PTPRN2: variants seen among roughly 807,000 people sequenced by gnomAD.
The protein encoded by PTPRN2 is receptor-type tyrosine-protein phosphatase N2.
A neutral mutation model predicts 118.8 loss-of-function variants in PTPRN2; 74 were observed. That is an observed-to-expected ratio of 0.62 (90% CI 0.52 to 0.76). The LOEUF (loss-of-function observed/expected upper bound fraction) is 0.76. PTPRN2 is among the 30% of genes least tolerant of loss of function. The probability of loss-of-function intolerance (pLI) is 0.00; values close to 1 mark genes in which losing one functional copy is unlikely to be tolerated. For synonymous variants in PTPRN2, 641 were observed against 608.0 expected (o/e 1.05, Z -0.80); for missense variants, 1,481 against 1,394.4 (o/e 1.06, Z -0.99).
intron 2 of PTPRN2, among the ~76,000 whole-genome samples, chr7:158,394,311 G>A (rs1400143980): frequency 2.0e-5 from 3 of 152,188 alleles, no homozygotes; most frequent in Non-Finnish European, 4.4e-5. Flanking sequence ...CCAAGGAGCA[G>A]GTATAATTTT....
intron 2 of PTPRN2, 94 bp from the exon 3 acceptor site, chr7:158,317,026 T>C: frequency 2.2e-6 from 2 of 911,244 alleles, no homozygotes; most frequent in African/African-American, 1.7e-5. Context: ...GTTCTGATCA[T>C]GTGCCGCCGT....
intron 9 of PTPRN2, among the ~76,000 whole-genome samples, chr7:158,124,803 G>GT (rs1259642063): frequency 6.6e-6 from 1 of 152,222 alleles, no homozygotes; most frequent in African/African-American, 2.4e-5. Flanking sequence ...GCTGGGGTCT[G>GT]TATCTCAGGA....
At position 157,586,848 on chromosome 7, in the gene PTPRN2, C is replaced by T. The variant is rs536986137; in HGVS notation, c.2496+8390G>A. Among the ~76,000 whole-genome samples, 46 of 152,324 alleles carry T rather than the reference C, an allele frequency of 3.0e-4. No individual in the cohort carries two copies. The South Asian group carries it at 7.7e-3, about 25-fold the overall frequency. ...AAAACAGTTGTGAGTAGCTGGGGGC[C>T]GTGAACCAGCTCGGGCTGAGCGGAT... On this transcript the variant is annotated intron_variant, in intron 17 of 22. Coordinates refer to ENST00000389418, the MANE Select transcript of PTPRN2 (RefSeq NM_002847.5).
chr7:157,613,893 C>T, intron 15 of PTPRN2: 2 of 387,098 alleles, frequency 5.2e-6, no homozygotes, highest in Non-Finnish European at 1.1e-5. Context: ...GAGCAGACCT[C>T]GGCGCTGCTA....
chr7:158,373,007 T>C (rs7802077), intron 2 of PTPRN2, among the ~76,000 whole-genome samples: 6,532 of 152,184 alleles, frequency 0.043, 464 homozygotes, highest in African/African-American at 0.15. Flanking sequence ...GCAGGGCCAC[T>C]ACAGGGAGGC....
chr7:158,334,665 TG>T (rs1563160893), intron 2 of PTPRN2, among the ~76,000 whole-genome samples: 14 of 71,968 alleles, frequency 1.9e-4, no homozygotes, highest in African/African-American at 6.4e-4. Context: ...TGGTGACACC[TG>T]CAGACGTCAC....
At chr7:157,731,375 G>T (rs1585325357) in intron 12 of PTPRN2, among the ~76,000 whole-genome samples, 1 of 152,190 alleles carries the variant, frequency 6.6e-6, no homozygotes, top group African/African-American at 2.4e-5. Flanking sequence ...CTGGCATATG[G>T]CAGACATTCA....
chr7:157,682,056 T>C (rs1796938819), intron 13 of PTPRN2, among the ~76,000 whole-genome samples: 1 of 152,240 alleles, frequency 6.6e-6, no homozygotes, highest in Non-Finnish European at 1.5e-5. Context: ...CCTATGTTCA[T>C]TACAGGACAA....
chr7:157,751,296 G>GGT (rs1292031611), intron 12 of PTPRN2, among the ~76,000 whole-genome samples: 1 of 152,236 alleles, frequency 6.6e-6, no homozygotes, highest in Non-Finnish European at 1.5e-5. Context: ...ACTGGACAAA[G>GGT]TGAGGATGGG....
At chr7:158,059,894 C>T in intron 11 of PTPRN2, among the ~76,000 whole-genome samples, 1 of 107,300 alleles carries the variant, frequency 9.3e-6, no homozygotes, top group African/African-American at 4.2e-5. Context: ...ACTGCAGCCA[C>T]ACTCCATCTG....
At chr7:157,594,450 C>T (rs548977258) in intron 17 of PTPRN2, among the ~76,000 whole-genome samples, 215 of 152,334 alleles carry the variant, frequency 1.4e-3, no homozygotes, top group Non-Finnish European at 1.6e-3. Flanking sequence ...AGCCTGATCC[C>T]AGCGTCACTG....
chr7:158,402,326 C>T (rs1241744990), intron 2 of PTPRN2, among the ~76,000 whole-genome samples: 1 of 152,132 alleles, frequency 6.6e-6, no homozygotes, highest in Non-Finnish European at 1.5e-5. Flanking sequence ...GGGGGTACAA[C>T]CTCTGTACAC....
chr7:157,888,009 G>C (rs1453104648), intron 12 of PTPRN2, among the ~76,000 whole-genome samples: 3 of 150,156 alleles, frequency 2.0e-5, no homozygotes, highest in African/African-American at 7.4e-5. Context: ...ATGTGCTCTT[G>C]GGCTTCTGGG....
intron 11 of PTPRN2, among the ~76,000 whole-genome samples, chr7:157,981,429 C>T (rs1803139887): frequency 6.6e-6 from 1 of 151,630 alleles, no homozygotes; most frequent in Non-Finnish European, 1.5e-5. Flanking sequence ...AGATGAAACT[C>T]AACTTCAACT....
intron 9 of PTPRN2, among the ~76,000 whole-genome samples, chr7:158,132,110 A>G (rs1340589878): frequency 7.4e-6 from 1 of 135,984 alleles, no homozygotes; most frequent in Non-Finnish European, 1.5e-5. Flanking sequence ...GCACAGATAC[A>G]CACACCTATC....
intron 2 of PTPRN2, among the ~76,000 whole-genome samples, chr7:158,441,445 G>GTGGCAGTGGTGGTGATAGTGATGGTCA (rs1817187315): frequency 6.8e-6 from 1 of 147,874 alleles, no homozygotes; most frequent in Non-Finnish European, 1.5e-5. Context: ...GATGGCAGTG[G>GTGGCAGTGGTGGTGATAGTGATGGTCA]TGGCAGTGGT....
At position 158,517,540 on chromosome 7, in the gene PTPRN2, G is replaced by A. The variant is rs1025700312; in HGVS notation, c.113-27755C>T. Among the ~76,000 whole-genome samples, 5 of 150,516 alleles carry A rather than the reference G, an allele frequency of 3.3e-5. No individual in the cohort carries two copies. Among genetic ancestry groups the A allele is most frequent in the Non-Finnish European group, 5.9e-5 (4 of 67,776 alleles). On this transcript the variant is annotated intron_variant, in intron 1 of 22. Transcript: ENST00000389418. This position sits in a 1 kb window ranked among gnomAD's most constrained non-coding sequence, Gnocchi z 5.3. ...CCCGTTCCACCTCCTCACTGGCCTC[G>A]CTGCCCCTCTGCAATCTCCTCCAAC...
chr7:158,454,240 C>T (rs1176536549), intron 2 of PTPRN2, among the ~76,000 whole-genome samples: 6 of 150,210 alleles, frequency 4.0e-5, no homozygotes, highest in South Asian at 2.2e-4. Context: ...ACAGACAAGA[C>T]ACAACGCACA....
At position 157,903,291 on chromosome 7, in the gene PTPRN2, G is replaced by A. The variant is rs974382030; in HGVS notation, c.1724-4554C>T. On this transcript the variant is annotated intron_variant, in intron 11 of 22. Transcript: ENST00000389418. The surrounding 1 kb of genome is among the most constrained non-coding windows in gnomAD (Gnocchi z 4.2). ...GAGAGGGAATGTGAGAGGGAGGTGG[G>A]AGAAAAGGGCTGAAACTCCCTCTGG... Among the ~76,000 whole-genome samples, 8 of 152,112 alleles carry A rather than the reference G, an allele frequency of 5.3e-5. No individual in the cohort carries two copies. The highest frequency in any genetic ancestry group is 2.1e-4 in the South Asian group (1 of 4,830).
Sources: allele counts gnomAD v4.1 joint callset (sites outside exome capture counted in the v4.1 genomes callset), GRCh38; gene constraint gnomAD v4.1.1; non-coding constraint Gnocchi (gnomAD v3.1); transcripts MANE v1.5; gene names NCBI Gene and HGNC (gene_info 2026-07-23, HGNC 2026-07-21).